The following DTWD2 variants were observed in gnomAD, a reference collection of about 807,000 sequenced individuals.
The protein encoded by DTWD2 is DTW motif tRNA-uridine aminocarboxypropyltransferase 2, also known as tRNA-uridine aminocarboxypropyltransferase 2.
In DTWD2, 39 loss-of-function variants were observed where a neutral mutation model predicts 31.8. The observed-to-expected ratio is 1.22, with a 90% CI of 0.95 to 1.60. The LOEUF (loss-of-function observed/expected upper bound fraction) is 1.60. Among genes scored for constraint, DTWD2 ranks in the 40% most tolerant of loss-of-function variants. The probability of loss-of-function intolerance (pLI) is 0.00; values close to 1 mark genes in which losing one functional copy is unlikely to be tolerated. For missense variants in DTWD2, 515 were observed against 381.5 expected, an observed-to-expected ratio of 1.35 and a Z score of -2.92; for synonymous variants, 180 against 142.8, an observed-to-expected ratio of 1.26 and a Z score of -1.86.
At chr5:118,916,666 A>C (rs75698740) in intron 4 of DTWD2, among the ~76,000 whole-genome samples, 5 of 98,510 alleles carry the variant, frequency 5.1e-5, no homozygotes, top group East Asian at 2.2e-4. Context: ...ACTCTGTCCC[A>C]AAAAAAAAAA....
intron 4 of DTWD2, among the ~76,000 whole-genome samples, chr5:118,871,349 G>A (rs1212980032): frequency 6.6e-6 from 1 of 152,204 alleles, no homozygotes; most frequent in South Asian, 2.1e-4. Flanking sequence ...AATCACAAAT[G>A]TTCTTAATGA....
chr5:118,950,710 C>T (rs1256395650), intron 1 of DTWD2, among the ~76,000 whole-genome samples: 1 of 152,186 alleles, frequency 6.6e-6, no homozygotes, highest in Non-Finnish European at 1.5e-5. Context: ...GAATGCCTGA[C>T]CACTGTGGCT....
At chr5:118,958,504 G>C (rs1332342349) in intron 1 of DTWD2, among the ~76,000 whole-genome samples, 3 of 142,600 alleles carry the variant, frequency 2.1e-5, no homozygotes, top group Admixed American at 1.5e-4. Context: ...CCACTGGCTA[G>C]ACTAATAAAG....
chr5:118,844,114 A>C (rs1336112816), intron 5 of DTWD2, among the ~76,000 whole-genome samples: 1 of 152,208 alleles, frequency 6.6e-6, no homozygotes, highest in Non-Finnish European at 1.5e-5. Context: ...AAACAGCATG[A>C]GAGATGCATA....
At chr5:118,975,805 G>C (rs906186599) in intron 1 of DTWD2, among the ~76,000 whole-genome samples, 29 of 152,092 alleles carry the variant, frequency 1.9e-4, no homozygotes, top group Non-Finnish European at 4.3e-4. Flanking sequence ...AATTAAAAAG[G>C]ATATGCAGGA....
chr5:118,847,005 TCTC>T, intron 5 of DTWD2, among the ~76,000 whole-genome samples: 1 of 150,312 alleles, frequency 6.7e-6, no homozygotes, highest in Admixed American at 6.6e-5. Flanking sequence ...AGAAGAAAAG[TCTC>T]CAACTCTGAC....
At position 118,973,954 on chromosome 5, in the gene DTWD2, T is replaced by C. The variant is rs879233550; in HGVS notation, c.218+14340A>G. 611 of 1,583,700 alleles carry C rather than the reference T, an allele frequency of 3.9e-4. No homozygotes were observed. The African/African-American group carries it at 4.5e-3, about 12-fold the overall frequency. On this transcript the variant is annotated intron_variant, in intron 1 of 5. Coordinates refer to ENST00000510708, the MANE Select transcript of DTWD2 (RefSeq NM_173666.4). ...AGCAGGAGGCTGACAATGAGGTAGA[T>C]GAAGAAGAGGAAGAAGGTGGGGAGG...
chr5:118,885,625 C>A (rs947441656), intron 4 of DTWD2, among the ~76,000 whole-genome samples: 1 of 150,758 alleles, frequency 6.6e-6, no homozygotes, highest in African/African-American at 2.4e-5. Flanking sequence ...ATTAGCCAGG[C>A]GTGGTGGCAT....
intron 1 of DTWD2, among the ~76,000 whole-genome samples, chr5:118,971,323 G>A (rs1224961722): frequency 6.6e-6 from 1 of 152,064 alleles, no homozygotes; most frequent in African/African-American, 2.4e-5. Context: ...GAAAAATGCA[G>A]GGGTCACAAT....
chr5:118,850,381 G>A (rs569299979), intron 4 of DTWD2, among the ~76,000 whole-genome samples: 2 of 145,576 alleles, frequency 1.4e-5, no homozygotes, highest in African/African-American at 5.1e-5. Context: ...GGGAGCCTGA[G>A]GCAGGAGAAT....
At chr5:118,925,157 A>C (rs542273526) in intron 4 of DTWD2, among the ~76,000 whole-genome samples, 1 of 152,340 alleles carries the variant, frequency 6.6e-6, no homozygotes, top group Admixed American at 6.5e-5. Context: ...TGCACCCAAC[A>C]ACAGAGCAGA....
At chr5:118,941,481 C>T (rs1461601445) in intron 2 of DTWD2, among the ~76,000 whole-genome samples, 2 of 152,194 alleles carry the variant, frequency 1.3e-5, no homozygotes, top group Non-Finnish European at 2.9e-5. Flanking sequence ...TTTCCAGCTT[C>T]ATCCATGTCC....
intron 1 of DTWD2, among the ~76,000 whole-genome samples, chr5:118,953,188 C>T (rs559001081): frequency 2.0e-5 from 3 of 152,254 alleles, no homozygotes; most frequent in South Asian, 2.1e-4. Context: ...GATGATGCTG[C>T]TAGTGAGTAA....
intron 1 of DTWD2, among the ~76,000 whole-genome samples, chr5:118,973,091 T>C (rs1755027919): frequency 6.6e-6 from 1 of 151,878 alleles, no homozygotes; most frequent in Non-Finnish European, 1.5e-5. Flanking sequence ...TTTTTTTTTT[T>C]TTTTTTGGCT....
chr5:118,966,822 G>A (rs299200), intron 1 of DTWD2, among the ~76,000 whole-genome samples: 1 of 152,086 alleles, frequency 6.6e-6, no homozygotes, highest in African/African-American at 2.4e-5. Context: ...CTGAGGTCAG[G>A]AGTGCGAGAA....
At chr5:118,954,600 G>A (rs962145182) in intron 1 of DTWD2, among the ~76,000 whole-genome samples, 2 of 152,050 alleles carry the variant, frequency 1.3e-5, no homozygotes, top group African/African-American at 2.4e-5. Flanking sequence ...TGCAACCTCC[G>A]CCTCCCAATT....
At chr5:118,957,056 C>A (rs1212088524) in intron 1 of DTWD2, among the ~76,000 whole-genome samples, 1 of 152,022 alleles carries the variant, frequency 6.6e-6, no homozygotes. Flanking sequence ...CATTATAATA[C>A]ATTTTCATCT....
chr5:118,851,811 C>G (rs373929849), intron 4 of DTWD2, among the ~76,000 whole-genome samples: 1 of 148,254 alleles, frequency 6.7e-6, no homozygotes, highest in East Asian at 2.0e-4. Flanking sequence ...GCACATTGTG[C>G]ACATGTACCC....
chr5:118,842,953 C>CTTTT (rs1181962036), intron 5 of DTWD2, among the ~76,000 whole-genome samples: 1 of 108,786 alleles, frequency 9.2e-6, no homozygotes, highest in Non-Finnish European at 1.8e-5. Context: ...TCTTCTTCCT[C>CTTTT]TTTTTTTTTT....
Sources: allele counts gnomAD v4.1 joint callset (sites outside exome capture counted in the v4.1 genomes callset), GRCh38; gene constraint gnomAD v4.1.1; transcripts MANE v1.5; gene names NCBI Gene and HGNC (gene_info 2026-07-23, HGNC 2026-07-21).